PTPRN2: variants seen among roughly 807,000 people sequenced by gnomAD.
PTPRN2 encodes the protein receptor-type tyrosine-protein phosphatase N2.
A neutral mutation model predicts 118.8 loss-of-function variants in PTPRN2; 74 were observed. The ratio of observed to expected loss-of-function variants is 0.62; its 90% confidence interval spans 0.52 to 0.76. The LOEUF (loss-of-function observed/expected upper bound fraction) is 0.76. PTPRN2 is among the 30% of genes least tolerant of loss of function. The pLI is 0.00. For synonymous variants in PTPRN2, 641 were observed against 608.0 expected (o/e 1.05, Z -0.80); for missense variants, 1,481 against 1,394.4 (o/e 1.06, Z -0.99).
At chr7:158,441,645 A>AGTGGTGGTGGTGGTG (rs1817261928) in intron 2 of PTPRN2, among the ~76,000 whole-genome samples, 3 of 120,506 alleles carry the variant, frequency 2.5e-5, no homozygotes, top group Admixed American at 8.4e-5. Context: ...TGGTGATGGC[A>AGTGGTGGTGGTGGTG]ATGGTGGTGA....
Position 157,690,705 on chromosome 7 carries a change from T to C in PTPRN2, c.1789-7768A>G, listed in dbSNP as rs1010434166. ...CTGGAGCCACAGACTAGCGGGGTCA[T>C]CCGCTTCTGACCACAAACTTCTAGG... On this transcript the variant is annotated intron_variant, in intron 12 of 22. Transcript: ENST00000389418. The surrounding 1 kb of genome is among the most constrained non-coding windows in gnomAD (Gnocchi z 7.1). Among the ~76,000 whole-genome samples the C allele has an allele frequency of 6.6e-6, 1 of 151,486 alleles. No individual in the cohort carries two copies. Among genetic ancestry groups the C allele is most frequent in the African/African-American group, 2.4e-5 (1 of 41,352 alleles).
chr7:158,141,011 C>T (rs1440920808), intron 6 of PTPRN2, among the ~76,000 whole-genome samples: 1 of 152,140 alleles, frequency 6.6e-6, no homozygotes, highest in Admixed American at 6.5e-5. Flanking sequence ...ACAGAATGTC[C>T]TGACCTCAGT....
In PTPRN2 at chr7:158,138,436, G is replaced by T. The variant is rs140368368; in HGVS notation, c.990C>A (p.Asp330Glu). Residue 330 changes from aspartate to glutamate, a missense_variant, in exon 7 of 23, where the codon GAC becomes GAA. This residue lies in a region of PTPRN2 where 1,115 missense variants were observed against 994.2 expected (regional missense o/e 1.12). Transcript: ENST00000389418. The part of the protein sequence containing the change: ...EVRGLSGLEL[D>E]GMAELMAGLM... ...GGCCAGCCATCAGCTCAGCCATGCCGTCCAGCTCCAGGCCACTCAGGCCCC... is the reference window on the plus strand; with the variant it reads ...GGCCAGCCATCAGCTCAGCCATGCCTTCCAGCTCCAGGCCACTCAGGCCCC... 6.2e-7 allele frequency: 1 copy of T among 1,613,364 alleles called. No homozygotes were observed. Among genetic ancestry groups the T allele is most frequent in the South Asian group, 1.1e-5 (1 of 91,080 alleles).
At chr7:157,956,768 G>T (rs1368042448) in intron 11 of PTPRN2, among the ~76,000 whole-genome samples, 1 of 152,270 alleles carries the variant, frequency 6.6e-6, no homozygotes, top group Non-Finnish European at 1.5e-5. Flanking sequence ...CACTTTCCCA[G>T]AGGATAAACT....
chr7:157,556,140 A>G (rs1798865121), intron 21 of PTPRN2, among the ~76,000 whole-genome samples: 1 of 152,196 alleles, frequency 6.6e-6, no homozygotes, highest in Non-Finnish European at 1.5e-5. Flanking sequence ...ACACGGTTCA[A>G]GCCCTCCCCA....
Position 158,060,317 on chromosome 7 carries a change from G to A in PTPRN2, c.1723+20981C>T, listed in dbSNP as rs1010140310. Among the ~76,000 whole-genome samples, 9 of 141,144 alleles carry A rather than the reference G, an allele frequency of 6.4e-5. 1 individual carries two copies. The highest frequency in any genetic ancestry group is 3.4e-4 in the Admixed American group (5 of 14,600). The allele number at this position is 141,144 out of a possible 152,430, so 92.6% of individuals were successfully genotyped here. A position where few individuals can be genotyped will look rare whatever the true frequency, so the allele number is the denominator to read the frequency against. On this transcript the variant is annotated intron_variant, in intron 11 of 22. Transcript: ENST00000389418. ...CTGCAGCCACGCTCCATCTGCACAC[G>A]GTGACACATCAGTGCAGGGTAGAAA...
chr7:158,051,513 G>A (rs1809323408), intron 11 of PTPRN2, among the ~76,000 whole-genome samples: 1 of 152,190 alleles, frequency 6.6e-6, no homozygotes, highest in African/African-American at 2.4e-5. Context: ...TTAGCACCAA[G>A]GAGGACAAAA....
intron 9 of PTPRN2, among the ~76,000 whole-genome samples, chr7:158,127,791 C>T (rs572683593): frequency 1.2e-4 from 18 of 152,310 alleles, no homozygotes; most frequent in South Asian, 8.3e-4. Context: ...GGGGCTCCCT[C>T]CTCCCTATAC....
chr7:158,388,626 C>G (rs1811688727), intron 2 of PTPRN2, among the ~76,000 whole-genome samples: 6 of 152,190 alleles, frequency 3.9e-5, no homozygotes. Context: ...ACTTAGTTCT[C>G]TATGCAGGTT....
chr7:157,728,940 G>A (rs1029298233), intron 12 of PTPRN2, among the ~76,000 whole-genome samples: 6 of 152,178 alleles, frequency 3.9e-5, no homozygotes, highest in Admixed American at 3.3e-4. Context: ...AATGTCCCAA[G>A]GAGACCAGGA....
chr7:158,325,932 C>G (rs114260526), intron 2 of PTPRN2, among the ~76,000 whole-genome samples: 3,144 of 152,356 alleles, frequency 0.021, 106 homozygotes, highest in African/African-American at 0.071. Flanking sequence ...GGCAGTCAGT[C>G]TCACAGCAGC....
Position 158,171,278 on chromosome 7 carries a change from C to T in PTPRN2, c.550-3987G>A, listed in dbSNP as rs1388130334. On this transcript the variant is annotated intron_variant, in intron 5 of 22. Transcript: ENST00000389418. Reference sequence around the variant, plus strand: ...ACATATATATACACACATATATACACACATATATATACACACATATATATA... The same window carrying T: ...ACATATATATACACACATATATACATACATATATATACACACATATATATA... Among the ~76,000 whole-genome samples the T allele has an allele frequency of 1.5e-4, 9 of 60,844 alleles. 1 individual carries two copies. Among genetic ancestry groups the T allele is most frequent in the African/African-American group, 6.9e-4 (9 of 13,006 alleles). The allele number at this position is 60,844 out of a possible 152,430, so 39.9% of individuals were successfully genotyped here.
At chr7:157,646,664 G>C (rs1378369354) in intron 14 of PTPRN2, among the ~76,000 whole-genome samples, 1 of 152,164 alleles carries the variant, frequency 6.6e-6, no homozygotes. Flanking sequence ...GGCCCTGTGA[G>C]AGTCTCAGGT....
chr7:157,939,330 A>G (rs1034540956), intron 11 of PTPRN2, among the ~76,000 whole-genome samples: 4 of 152,256 alleles, frequency 2.6e-5, no homozygotes, highest in African/African-American at 7.2e-5. Context: ...CTGAGCGGCC[A>G]CAGGGGCTGG....
At chr7:158,373,569 C>G (rs554908869) in intron 2 of PTPRN2, among the ~76,000 whole-genome samples, 1 of 152,308 alleles carries the variant, frequency 6.6e-6, no homozygotes, top group Admixed American at 6.5e-5. Flanking sequence ...AGACCAGCTG[C>G]CACTGAAGCA....
At chr7:157,870,872 T>C (rs553931465) in intron 12 of PTPRN2, among the ~76,000 whole-genome samples, 88 of 152,342 alleles carry the variant, frequency 5.8e-4, no homozygotes, top group Middle Eastern at 6.8e-3. Flanking sequence ...CACACCACAG[T>C]CATCTGTTTC....
chr7:157,637,618 G>A (rs1563288428), intron 14 of PTPRN2, among the ~76,000 whole-genome samples: 2 of 152,152 alleles, frequency 1.3e-5, no homozygotes, highest in Non-Finnish European at 2.9e-5. Context: ...TGGCCAAAAC[G>A]GTATGATCAG....
At chr7:157,817,561 A>T (rs1206226332) in intron 12 of PTPRN2, among the ~76,000 whole-genome samples, 1 of 152,150 alleles carries the variant, frequency 6.6e-6, no homozygotes, top group Non-Finnish European at 1.5e-5. Context: ...ACCACATTAC[A>T]CCACATCTGT....
intron 2 of PTPRN2, among the ~76,000 whole-genome samples, chr7:158,354,240 G>A (rs1270092175): frequency 6.6e-6 from 1 of 152,100 alleles, no homozygotes; most frequent in Non-Finnish European, 1.5e-5. Flanking sequence ...ACATACCCCA[G>A]AAAAACCAAA....
Sources: allele counts gnomAD v4.1 joint callset (sites outside exome capture counted in the v4.1 genomes callset), GRCh38; gene constraint gnomAD v4.1.1; regional missense constraint gnomAD v4.1.1; non-coding constraint Gnocchi (gnomAD v3.1); transcripts MANE v1.5; gene names NCBI Gene and HGNC (gene_info 2026-07-23, HGNC 2026-07-21).